Variants in CPVL observed in about 807,000 individuals in gnomAD.
The protein encoded by CPVL is probable serine carboxypeptidase CPVL.
In CPVL, 51 loss-of-function variants were observed where a neutral mutation model predicts 63.7. That is an observed-to-expected ratio of 0.80 (90% CI 0.64 to 1.01). The LOEUF (loss-of-function observed/expected upper bound fraction) is 1.01, where lower values mean the gene tolerates loss of function less well. Ranked by LOEUF, CPVL falls within the 50% of genes least tolerant of loss-of-function variation. The probability of loss-of-function intolerance (pLI) is 0.00; values close to 1 mark genes in which losing one functional copy is unlikely to be tolerated. For missense variants in CPVL, 530 were observed against 573.1 expected, an observed-to-expected ratio of 0.92 and a Z score of 0.77; for synonymous variants, 195 against 206.0, an observed-to-expected ratio of 0.95 and a Z score of 0.46.
intron 1 of CPVL, chr7:29,194,961 C>T: frequency 6.3e-7 from 1 of 1,584,284 alleles, no homozygotes; most frequent in Non-Finnish European, 8.6e-7. Context: ...TCCAGCAACT[C>T]CAGCCTGTCC....
intron 5 of CPVL, chr7:29,181,241 C>G (rs911707696): frequency 6.6e-6 from 1 of 152,150 alleles, no homozygotes; most frequent in African/African-American, 2.4e-5. Context: ...TTTTCATAGC[C>G]TTTGACCAAG....
chr7:29,050,594 T>C (rs1407829644), intron 11 of CPVL, among the ~76,000 whole-genome samples: 1 of 151,776 alleles, frequency 6.6e-6, no homozygotes, highest in East Asian at 1.9e-4. Context: ...TAAATACAAA[T>C]AAACAAGACA....
intron 5 of CPVL, among the ~76,000 whole-genome samples, chr7:29,175,420 C>T (rs1797176499): frequency 6.6e-6 from 1 of 152,102 alleles, no homozygotes; most frequent in African/African-American, 2.4e-5. Context: ...GGGTTTTCTG[C>T]CCGCCTCGGC....
At chr7:29,150,811 AAC>A (rs1793486583), upstream of CPVL, among the ~76,000 whole-genome samples, 1 of 152,332 alleles carries the variant, frequency 6.6e-6, no homozygotes, top group South Asian at 2.1e-4. Context: ...GTAGCCTGGA[AAC>A]ACAGCTCAGA....
chr7:29,151,864 A>G lies in CPVL; in HGVS notation c.-11+29426T>C, dbSNP rs1274343171. Among the ~76,000 whole-genome samples, 5 of 152,384 alleles carry G rather than the reference A, an allele frequency of 3.3e-5. No homozygotes were observed. In the East Asian group the frequency reaches 9.6e-4, roughly 29 times the overall value. ...TGACGAAATTGTATGTATAGCCATC[A>G]ACACAATGTCTGGCCCATAGCAAGC... On this transcript the variant is annotated intron_variant, in intron 5 of 16. Transcript: ENST00000409850.
At chr7:29,013,300 C>T (rs1786040464) in intron 12 of CPVL, 1 of 152,206 alleles carries the variant, frequency 6.6e-6, no homozygotes, top group Non-Finnish European at 1.5e-5. Context: ...CCATCTGAAT[C>T]AGACCCACCC....
intron 3 of CPVL, among the ~76,000 whole-genome samples, chr7:29,098,462 G>A (rs1303205063): frequency 3.3e-5 from 5 of 152,194 alleles, no homozygotes; most frequent in Non-Finnish European, 5.9e-5. Flanking sequence ...ATTCTTGAGT[G>A]TTAACAAATT....
upstream of CPVL, chr7:29,146,707 T>G: frequency 6.4e-7 from 1 of 1,550,644 alleles, no homozygotes. Context: ...GGGTGGAATC[T>G]TAAAAATTAA....
intron 11 of CPVL, among the ~76,000 whole-genome samples, chr7:29,058,337 T>A (rs75892238): frequency 0.011 from 1,710 of 152,262 alleles, 36 homozygotes; most frequent in African/African-American, 0.039. Flanking sequence ...TGGGAGTACA[T>A]AGGAAAGTGA....
intron 7 of CPVL, among the ~76,000 whole-genome samples, chr7:29,079,017 GA>G (rs1784462457): frequency 6.6e-6 from 1 of 152,150 alleles, no homozygotes; most frequent in Non-Finnish European, 1.5e-5. Flanking sequence ...CAAGCCTTGA[GA>G]AATAATTGCA....
At chr7:29,167,327 G>T (rs1348670270) in intron 5 of CPVL, among the ~76,000 whole-genome samples, 1 of 152,044 alleles carries the variant, frequency 6.6e-6, no homozygotes, top group Non-Finnish European at 1.5e-5. Flanking sequence ...AGATGAACAT[G>T]TATCTGTTCA....
At chr7:29,132,466 GT>G (rs1562785493) in intron 1 of CPVL, among the ~76,000 whole-genome samples, 3 of 152,108 alleles carry the variant, frequency 2.0e-5, no homozygotes, top group African/African-American at 7.2e-5. Context: ...AGGCAGAAAG[GT>G]TCACCTTATG....
intron 2 of CPVL, among the ~76,000 whole-genome samples, chr7:29,114,616 C>G (rs62444090): frequency 0.077 from 11,624 of 151,760 alleles, 557 homozygotes; most frequent in Non-Finnish European, 0.11. Flanking sequence ...GATAACACAG[C>G]GAGACCCTGT....
chr7:29,164,485 G>A (rs1015414175), intron 5 of CPVL, among the ~76,000 whole-genome samples: 29 of 151,702 alleles, frequency 1.9e-4, no homozygotes, highest in Middle Eastern at 6.9e-3. Flanking sequence ...TTTTTGAAGA[G>A]CAAAAGTGTT....
intron 12 of CPVL, among the ~76,000 whole-genome samples, chr7:29,020,751 CA>C (rs1221319358): frequency 1.3e-5 from 2 of 151,874 alleles, no homozygotes; most frequent in African/African-American, 4.8e-5. Flanking sequence ...AAAGAGAAAG[CA>C]AAAATATAAT....
Position 29,181,864 on chromosome 7 carries a change from G to A in CPVL, c.-133-452C>T, listed in dbSNP as rs370161420. 9.9e-5 allele frequency among the ~76,000 whole-genome samples: 15 copies of A among 151,994 alleles called. No individual in the cohort carries two copies. The East Asian group carries it at 1.9e-3, about 20-fold the overall frequency. On this transcript the variant is annotated intron_variant, in intron 4 of 16. Coordinates refer to the CPVL transcript ENST00000409850. Reference sequence around the variant, plus strand: ...CTGCTAAACTGCTAATTCCTAAGGGGGGGAAAAGTACCTAAGTATTTATTC... The same window carrying A: ...CTGCTAAACTGCTAATTCCTAAGGGAGGGAAAAGTACCTAAGTATTTATTC...
intron 3 of CPVL, among the ~76,000 whole-genome samples, chr7:29,097,224 C>T (rs1786528898): frequency 6.9e-6 from 1 of 144,532 alleles, no homozygotes; most frequent in South Asian, 2.1e-4. Flanking sequence ...AGTGTCAATA[C>T]CATCACCTTC....
At chr7:29,132,931 A>C (rs886069974) in intron 1 of CPVL, among the ~76,000 whole-genome samples, 1 of 152,226 alleles carries the variant, frequency 6.6e-6, no homozygotes, top group African/African-American at 2.4e-5. Context: ...AGCCCCATAC[A>C]GTCTGGCTTG....
chr7:29,181,700 A>G (rs202179226), intron 4 of CPVL, among the ~76,000 whole-genome samples: 2 of 152,360 alleles, frequency 1.3e-5, no homozygotes, highest in East Asian at 3.9e-4. Flanking sequence ...TAAAAATTAC[A>G]CAATCTAGAA....
Sources: allele counts gnomAD v4.1 joint callset (sites outside exome capture counted in the v4.1 genomes callset), GRCh38; gene constraint gnomAD v4.1.1; transcripts MANE v1.5; gene names NCBI Gene and HGNC (gene_info 2026-07-23, HGNC 2026-07-21).